The following PMM2 variants were observed in gnomAD, a reference collection of about 807,000 sequenced individuals.
PMM2 encodes mannose-6-phosphate isomerase.
Under a neutral mutation model 33.2 loss-of-function variants are expected in PMM2, and 35 were observed. That is an observed-to-expected ratio of 1.06 (90% CI 0.81 to 1.40). The LOEUF is 1.40. PMM2 is among the 40% of genes most tolerant of loss of function. PMM2 has a pLI of 0.00. For missense variants in PMM2, 386 were observed against 306.0 expected, an observed-to-expected ratio of 1.26 and a Z score of -1.95; for synonymous variants, 153 against 114.7, an observed-to-expected ratio of 1.33 and a Z score of -2.13.
At chr16:8,845,076 A>AGC (rs2060916334) in intron 7 of PMM2, among the ~76,000 whole-genome samples, 1 of 152,234 alleles carries the variant, frequency 6.6e-6, no homozygotes, top group African/African-American at 2.4e-5. Context: ...TTGTGTGAGC[A>AGC]ACATGGCTGT....
chr16:8,845,089 A>T (rs58644243), intron 7 of PMM2, among the ~76,000 whole-genome samples: 3,625 of 152,306 alleles, frequency 0.024, 139 homozygotes, highest in African/African-American at 0.081. Flanking sequence ...ATGGCTGTTT[A>T]TTTCACCTGG....
chr16:8,848,111 T>C lies in PMM2; in HGVS notation c.*286T>C, dbSNP rs1274332103. On this transcript the variant is annotated 3_prime_UTR_variant, in exon 8 of 8. Transcript: ENST00000268261. ...ATACCCACCCTGATACGTGCAATCA[T>C]GTAGTTTTGGCGGAAATTTCCCCAT... 7.5e-6 allele frequency: 3 copies of C among 401,228 alleles called. No individual in the cohort carries two copies. The highest frequency in any genetic ancestry group is 4.8e-5 in the South Asian group (2 of 41,926). The allele number at this position is 401,228 out of a possible 1,614,324, so 24.9% of individuals were successfully genotyped here.
chr16:8,848,962 G>A lies in PMM2; in HGVS notation c.*1137G>A, dbSNP rs1035080354. On this transcript the variant is annotated 3_prime_UTR_variant, in exon 8 of 8. Coordinates refer to ENST00000268261, the MANE Select transcript of PMM2 (RefSeq NM_000303.3). ...AGAACTTTCCTAGGAAACGGTTCATGTGTCACTTTTCAGGATGTGGAAACA... is the reference window on the plus strand; with the variant it reads ...AGAACTTTCCTAGGAAACGGTTCATATGTCACTTTTCAGGATGTGGAAACA... The A allele has an allele frequency of 2.0e-5, 3 of 152,246 alleles. No individual in the cohort carries two copies. Among genetic ancestry groups the A allele is most frequent in the African/African-American group, 7.2e-5 (3 of 41,444 alleles). The allele number at this position is 152,246 out of a possible 1,614,324, so 9.4% of individuals were successfully genotyped here.
At chr16:8,813,857 C>CTTTTTTTTTT (rs148507269) in intron 7 of PMM2, among the ~76,000 whole-genome samples, 5 of 89,138 alleles carry the variant, frequency 5.6e-5, no homozygotes, top group Admixed American at 1.3e-4. Flanking sequence ...TTTTCTTTCT[C>CTTTTTTTTTT]TTTTTTTTTT....
chr16:8,827,637 C>A (rs1011405056), intron 7 of PMM2, among the ~76,000 whole-genome samples: 1 of 144,346 alleles, frequency 6.9e-6, no homozygotes, highest in African/African-American at 2.6e-5. Flanking sequence ...CTCAAGTGAT[C>A]CCCCTGCCTC....
rs569872203 is a variant in PMM2 at position 8,817,973 on chromosome 16, G to A, written c.639+4867G>A. Reference sequence around the variant, plus strand: ...GGCTGGAGTGCAGTGGCGTGATCTCGGCTCACTGTAAGCTCCACCTCCCGG... The same window carrying A: ...GGCTGGAGTGCAGTGGCGTGATCTCAGCTCACTGTAAGCTCCACCTCCCGG... On this transcript the variant is annotated intron_variant, in intron 7 of 7. Transcript: ENST00000268261. Among the ~76,000 whole-genome samples the A allele has an allele frequency of 2.2e-3, 329 of 147,202 alleles. 1 individual carries two copies. Among genetic ancestry groups the A allele is most frequent in the Non-Finnish European group, 2.9e-3 (195 of 67,518 alleles).
intron 5 of PMM2, 138 bp downstream of exon 5, chr16:8,811,316 G>T: frequency 2.8e-6 from 2 of 713,804 alleles, no homozygotes; most frequent in South Asian, 1.5e-5. Context: ...AGGAGTTCAA[G>T]ACCAGCCTAG....
At position 8,834,886 on chromosome 16, in the gene PMM2, G is replaced by T. The variant is rs1313185772; in HGVS notation, c.640-12838G>T. Among the ~76,000 whole-genome samples, 10 of 152,256 alleles carry T rather than the reference G, an allele frequency of 6.6e-5. No individual in the cohort carries two copies. The East Asian group carries it at 1.9e-3, about 29-fold the overall frequency. On this transcript the variant is annotated intron_variant, in intron 7 of 7. Transcript: ENST00000268261. Reference sequence around the variant, plus strand: ...GATACAGTCATGGGGGTCAGGTGTGGTATCAGGAATAATGTGGGAGGCCAG... The same window carrying T: ...GATACAGTCATGGGGGTCAGGTGTGTTATCAGGAATAATGTGGGAGGCCAG...
intron 7 of PMM2, among the ~76,000 whole-genome samples, chr16:8,831,419 C>G (rs2060808978): frequency 6.6e-6 from 1 of 152,238 alleles, no homozygotes; most frequent in Non-Finnish European, 1.5e-5. Context: ...CACCTGTAGT[C>G]CCAGCTACTC....
In PMM2 at chr16:8,847,321, G is replaced by A. The variant is rs574712640; in HGVS notation, c.640-403G>A. Among the ~76,000 whole-genome samples the A allele has an allele frequency of 1.7e-4, 25 of 150,226 alleles. No individual in the cohort carries two copies. The South Asian group carries it at 3.1e-3, about 19-fold the overall frequency. On this transcript the variant is annotated intron_variant, in intron 7 of 7. Coordinates refer to ENST00000268261, the MANE Select transcript of PMM2 (RefSeq NM_000303.3). The stretch of plus-strand genomic sequence containing the variant: ...GAATATCCCTGGCAGCCCTGCTCCC[G>A]GCCCTCTGCCCTCCTGACGCTCCCT...
At chr16:8,834,632 G>C (rs1365689789) in intron 7 of PMM2, among the ~76,000 whole-genome samples, 10 of 152,108 alleles carry the variant, frequency 6.6e-5, no homozygotes, top group African/African-American at 2.4e-4. Context: ...TAGAATAGCA[G>C]ATGGAACACT....
intron 7 of PMM2, among the ~76,000 whole-genome samples, chr16:8,825,305 A>G (rs2060760437): frequency 6.6e-6 from 1 of 151,600 alleles, no homozygotes; most frequent in Admixed American, 6.6e-5. Flanking sequence ...TGCTAGGATT[A>G]CAGGCATGAG....
At chr16:8,845,309 G>C (rs2060918012) in intron 7 of PMM2, among the ~76,000 whole-genome samples, 1 of 152,172 alleles carries the variant, frequency 6.6e-6, no homozygotes. Flanking sequence ...CAGTTCGGGT[G>C]GGGCAGAAAC....
intron 7 of PMM2, among the ~76,000 whole-genome samples, chr16:8,822,624 G>T (rs141309932): frequency 1.3e-5 from 2 of 152,320 alleles, no homozygotes; most frequent in East Asian, 3.9e-4. Context: ...GACAGTTTCA[G>T]TTCCTCCTGT....
Position 8,838,062 on chromosome 16 carries a change from G to C in PMM2, c.640-9662G>C, listed in dbSNP as rs371199886. ...ACCTGGGTGCAGGCGGGCTGAGTCCGAAAAGAGAGTCAGCAAAGGGTGGTG... is the reference window on the plus strand; with the variant it reads ...ACCTGGGTGCAGGCGGGCTGAGTCCCAAAAGAGAGTCAGCAAAGGGTGGTG... On this transcript the variant is annotated intron_variant, in intron 7 of 7. Coordinates refer to ENST00000268261, the MANE Select transcript of PMM2 (RefSeq NM_000303.3). 4.2e-4 allele frequency among the ~76,000 whole-genome samples: 64 copies of C among 152,194 alleles called. 1 individual carries two copies. The highest frequency in any genetic ancestry group is 1.2e-3 in the East Asian group (6 of 5,178).
chr16:8,803,766 C>T lies in PMM2; in HGVS notation c.179-1001C>T, dbSNP rs571865293. Among the ~76,000 whole-genome samples the T allele has an allele frequency of 2.5e-3, 383 of 152,026 alleles. 3 individuals are homozygous for T. The highest frequency in any genetic ancestry group is 8.8e-3 in the African/African-American group (367 of 41,488). ...TGGCACAATCTTGGCTCACTGTAAC[C>T]TCTGCGTCCTGGGTTCAAGTGATTC... On this transcript the variant is annotated intron_variant, in intron 2 of 7. Coordinates refer to ENST00000268261, the MANE Select transcript of PMM2 (RefSeq NM_000303.3).
At chr16:8,845,380 G>T (rs1458984858) in intron 7 of PMM2, among the ~76,000 whole-genome samples, 1 of 152,140 alleles carries the variant, frequency 6.6e-6, no homozygotes, top group Admixed American at 6.5e-5. Flanking sequence ...TGGATCTTTA[G>T]TTACTTCAGG....
intron 7 of PMM2, among the ~76,000 whole-genome samples, chr16:8,844,994 G>C (rs970749916): frequency 6.6e-5 from 10 of 152,228 alleles, no homozygotes; most frequent in Non-Finnish European, 1.5e-4. Context: ...GATCTCCCAA[G>C]GGAGGTCTCC....
intron 2 of PMM2, among the ~76,000 whole-genome samples, chr16:8,803,392 C>T (rs139515823): frequency 6.6e-6 from 1 of 152,324 alleles, no homozygotes; most frequent in East Asian, 1.9e-4. Flanking sequence ...GTGTATTTAA[C>T]CACTTGCTCA....
Sources: allele counts gnomAD v4.1 joint callset (sites outside exome capture counted in the v4.1 genomes callset), GRCh38; gene constraint gnomAD v4.1.1; transcripts MANE v1.5; gene names NCBI Gene and HGNC (gene_info 2026-07-23, HGNC 2026-07-21).